The following COL6A6 variants were observed in gnomAD, a reference collection of about 807,000 sequenced individuals.
COL6A6 encodes the protein collagen type VI alpha 6 chain, also known as collagen alpha-6(VI) chain.
A neutral mutation model predicts 208.6 loss-of-function variants in COL6A6; 183 were observed. That is an observed-to-expected ratio of 0.88 (90% CI 0.78 to 0.99). The LOEUF (loss-of-function observed/expected upper bound fraction) is 0.99, where lower values mean the gene tolerates loss of function less well. COL6A6 is among the 50% of genes least tolerant of loss of function. COL6A6 has a pLI of 0.00. For missense variants in COL6A6, 2,816 were observed against 2,815.2 expected (o/e 1.00, Z -0.01); for synonymous variants, 973 against 1,011.8 (o/e 0.96, Z 0.73).
chr3:130,634,213 ATAAATAAAT>A (rs1559769444), intron 26 of COL6A6, among the ~76,000 whole-genome samples: 1 of 52,448 alleles, frequency 1.9e-5, no homozygotes, highest in African/African-American at 3.5e-4. Flanking sequence ...AAAAAAAAAA[ATAAATAAAT>A]AAATAAATAA....
intron 32 of COL6A6, among the ~76,000 whole-genome samples, chr3:130,645,395 A>C (rs576046323): frequency 6.6e-6 from 1 of 152,166 alleles, no homozygotes; most frequent in South Asian, 2.1e-4. Context: ...CTTCCACTTC[A>C]ACCTCCGGAG....
intron 23 of COL6A6, among the ~76,000 whole-genome samples, chr3:130,619,767 T>C (rs2064654463): frequency 6.6e-6 from 1 of 151,804 alleles, no homozygotes; most frequent in African/African-American, 2.4e-5. Flanking sequence ...TTTTGAGAAG[T>C]GAGGTAGTGG....
chr3:130,560,074 A>G (rs1437792324), intron 1 of COL6A6, among the ~76,000 whole-genome samples: 1 of 152,180 alleles, frequency 6.6e-6, no homozygotes, highest in Non-Finnish European at 1.5e-5. Context: ...TAGCACTAAA[A>G]TCCATCTGGC....
rs754179665 is a variant in COL6A6, at chr3:130,621,868, A to T, written c.4863A>T (p.Gly1621=). The change falls in exon 24 of 37, where the codon GGA becomes GGT. Residue 1621 remains glycine (G), a synonymous_variant. Coordinates refer to ENST00000358511, the MANE Select transcript of COL6A6 (RefSeq NM_001102608.3). ...GGEAGNQGRL[G]SQGNKGEPGD... is the part of the protein sequence containing the mutation. ...AGGCAGGGAATCAAGGCCGTTTGGG[A>T]AGCCAAGGAAATAAAGTAGGTCACA... The T allele has an allele frequency of 5.0e-5, 80 of 1,613,598 alleles. No homozygotes were observed. The highest frequency in any genetic ancestry group is 1.6e-4 in the Middle Eastern group (1 of 6,082).
chr3:130,538,516 C>T lies in COL6A6; in HGVS notation c.-32+21119C>T, dbSNP rs138462177. On this transcript the variant is annotated intron_variant, in intron 1 of 36. Coordinates refer to ENST00000358511, the MANE Select transcript of COL6A6 (RefSeq NM_001102608.3). ...CTGCAAAGAAGATACTGTGCCAACT[C>T]GTTTACACACATCAGTTCATTTAAC... Among the ~76,000 whole-genome samples, 8 of 152,322 alleles carry T rather than the reference C, an allele frequency of 5.3e-5. No individual in the cohort carries two copies. In the South Asian group the frequency reaches 6.2e-4, roughly 12 times the overall value.
At chr3:130,607,300 T>TA (rs1576319064) in intron 21 of COL6A6, among the ~76,000 whole-genome samples, 1 of 152,298 alleles carries the variant, frequency 6.6e-6, no homozygotes, top group African/African-American at 2.4e-5. Context: ...CTTACAATTA[T>TA]AAAAAACCCC....
intron 10 of COL6A6, among the ~76,000 whole-genome samples, chr3:130,585,733 A>G (rs930214956): frequency 1.3e-5 from 2 of 152,130 alleles, no homozygotes; most frequent in Non-Finnish European, 1.5e-5. Flanking sequence ...CTCTTTTACT[A>G]CTTATAGGTG....
chr3:130,622,203 AC>A (rs767379161), intron 24 of COL6A6, among the ~76,000 whole-genome samples: 10 of 54,316 alleles, frequency 1.8e-4, no homozygotes, highest in Non-Finnish European at 2.1e-4. Context: ...CCCCCCGCCT[AC>A]CCCCCCCTTT....
rs146721930 is a variant in COL6A6 at position 130,617,421 on chromosome 3, C to T, written c.4816-4400C>T. On this transcript the variant is annotated intron_variant, in intron 23 of 36. Transcript: ENST00000358511. ...TTTTGCTGAATGAGCAGGTGTTTTC[C>T]GGGTAACCAAGGAAAGGCAGGCATG... 3.3e-3 allele frequency among the ~76,000 whole-genome samples: 509 copies of T among 152,178 alleles called. 5 individuals are homozygous for T. Among genetic ancestry groups the T allele is most frequent in the African/African-American group, 0.012 (478 of 41,538 alleles).
chr3:130,551,593 T>C (rs1378279323), intron 1 of COL6A6, among the ~76,000 whole-genome samples: 3 of 151,946 alleles, frequency 2.0e-5, no homozygotes, highest in Non-Finnish European at 4.4e-5. Context: ...TTATTAATTT[T>C]TTTCAAAGAA....
intron 5 of COL6A6, 113 bp downstream of exon 5, chr3:130,567,375 T>C: frequency 1.3e-6 from 1 of 786,664 alleles, no homozygotes; most frequent in Non-Finnish European, 2.0e-6. Flanking sequence ...TGAGATTTGT[T>C]AACTTGTGTA....
At chr3:130,610,596 T>C in intron 22 of COL6A6, 53 bp from the exon 23 acceptor site, 1 of 1,255,944 alleles carries the variant, frequency 8.0e-7, no homozygotes, top group South Asian at 1.3e-5. Context: ...TTCAATTTAA[T>C]ATTCAATGTT....
chr3:130,571,271 A>G lies in COL6A6; in HGVS notation c.2855A>G (p.Asn952Ser), dbSNP rs529677893. The change falls in exon 7 of 37, where the codon AAT becomes AGT. Residue 952 changes from asparagine to serine, a missense_variant. Asn to Ser is a conservative substitution (Grantham distance 46). Transcript: ENST00000358511. ...CTGGCTGTGGGGATTGATGGTGCCA[A>G]TCCCGTGGAGCTGTTAGCCATGGCA... is the stretch of plus-strand genomic sequence containing the variant. Reference protein sequence around the residue: ...LVLAVGIDGANPVELLAMAGS... With the variant: ...LVLAVGIDGASPVELLAMAGS... 1.2e-5 allele frequency: 20 copies of G among 1,614,074 alleles called. No homozygotes were observed. In the African/African-American group the frequency reaches 1.5e-4, roughly 12 times the overall value.
At chr3:130,566,035 T>A (rs1340694534) in intron 4 of COL6A6, among the ~76,000 whole-genome samples, 1 of 152,022 alleles carries the variant, frequency 6.6e-6, no homozygotes, top group African/African-American at 2.4e-5. Flanking sequence ...TAAACAGGAG[T>A]GTGATTTGAA....
chr3:130,558,249 G>A (rs2107836240), intron 1 of COL6A6, among the ~76,000 whole-genome samples: 1 of 152,294 alleles, frequency 6.6e-6, no homozygotes, highest in South Asian at 2.1e-4. Flanking sequence ...TTGATACAGT[G>A]TAAATGAGCC....
At chr3:130,520,171 A>C (rs1465587777) in intron 1 of COL6A6, among the ~76,000 whole-genome samples, 1 of 152,174 alleles carries the variant, frequency 6.6e-6, no homozygotes, top group African/African-American at 2.4e-5. Context: ...TTAAAAGTGC[A>C]CTCAGTGTTT....
At chr3:130,539,122 A>G (rs552000458) in intron 1 of COL6A6, among the ~76,000 whole-genome samples, 6 of 152,246 alleles carry the variant, frequency 3.9e-5, no homozygotes, top group Non-Finnish European at 8.8e-5. Flanking sequence ...AAGGGGAAGA[A>G]AGATTGAGGT....
chr3:130,559,431 T>G (rs1056014803), intron 1 of COL6A6, among the ~76,000 whole-genome samples: 1 of 152,202 alleles, frequency 6.6e-6, no homozygotes, highest in Non-Finnish European at 1.5e-5. Flanking sequence ...GGGATGGAAC[T>G]TCTCATGATA....
At chr3:130,597,176 T>G (rs1211520249) in intron 18 of COL6A6, among the ~76,000 whole-genome samples, 1 of 152,224 alleles carries the variant, frequency 6.6e-6, no homozygotes, top group East Asian at 1.9e-4. Flanking sequence ...TCCCTGCTTT[T>G]TCCACCAAAA....
Sources: allele counts gnomAD v4.1 joint callset (sites outside exome capture counted in the v4.1 genomes callset), GRCh38; gene constraint gnomAD v4.1.1; transcripts MANE v1.5; gene names NCBI Gene and HGNC (gene_info 2026-07-23, HGNC 2026-07-21).